Variants in PTPRM observed in about 807,000 individuals in gnomAD.
PTPRM encodes the protein protein tyrosine phosphatase receptor type M, also known as receptor-type tyrosine-protein phosphatase mu.
PTPRM carries 47 observed loss-of-function variants against 186.7 expected under a neutral mutation model. The observed-to-expected ratio is 0.25, with a 90% CI of 0.20 to 0.32. PTPRM has a LOEUF of 0.32. PTPRM is among the 10% of genes least tolerant of loss of function. The probability of loss-of-function intolerance (pLI) is 1.00; values close to 1 mark genes in which losing one functional copy is unlikely to be tolerated. For missense variants in PTPRM, 1,494 were observed against 1,865.0 expected (o/e 0.80, Z 3.66); for synonymous variants, 668 against 674.9 (o/e 0.99, Z 0.16).
chr18:8,289,529 T>C (rs1401093692), intron 19 of PTPRM, among the ~76,000 whole-genome samples: 6 of 97,300 alleles, frequency 6.2e-5, no homozygotes, highest in Non-Finnish European at 1.2e-4. Context: ...TATATACATA[T>C]ATATACACAT....
chr18:8,312,942 G>C (rs73396058), intron 20 of PTPRM, among the ~76,000 whole-genome samples: 7 of 152,272 alleles, frequency 4.6e-5, no homozygotes, highest in African/African-American at 1.7e-4. Flanking sequence ...AATTGACACC[G>C]ATTTCCTTCT....
chr18:7,750,287 C>T (rs2041149928), intron 1 of PTPRM, among the ~76,000 whole-genome samples: 1 of 152,164 alleles, frequency 6.6e-6, no homozygotes, highest in Admixed American at 6.5e-5. Flanking sequence ...AAAAAAAGAA[C>T]ACTCAAGTGA....
At chr18:7,628,455 A>G (rs1169601823) in intron 1 of PTPRM, among the ~76,000 whole-genome samples, 1 of 152,240 alleles carries the variant, frequency 6.6e-6, no homozygotes, top group African/African-American at 2.4e-5. Context: ...TGCAGCTATC[A>G]TACAAAAACG....
chr18:8,083,361 A>G (rs1000226667), intron 9 of PTPRM, among the ~76,000 whole-genome samples: 3 of 152,102 alleles, frequency 2.0e-5, no homozygotes, highest in African/African-American at 7.2e-5. Flanking sequence ...CTTTCTGTTC[A>G]TATACTGTGC....
chr18:7,825,148 G>A (rs1460369615), intron 2 of PTPRM, among the ~76,000 whole-genome samples: 1 of 152,166 alleles, frequency 6.6e-6, no homozygotes, highest in Non-Finnish European at 1.5e-5. Context: ...CGGGAGCCAG[G>A]AGGCTGAACT....
intron 11 of PTPRM, among the ~76,000 whole-genome samples, chr18:8,105,860 T>A (rs1056616399): frequency 6.6e-6 from 1 of 152,210 alleles, no homozygotes; most frequent in African/African-American, 2.4e-5. Context: ...TTAAAATGGA[T>A]ATCCAGTGAA....
intron 1 of PTPRM, among the ~76,000 whole-genome samples, chr18:7,693,222 G>T (rs910337013): frequency 6.6e-6 from 1 of 152,116 alleles, no homozygotes; most frequent in Non-Finnish European, 1.5e-5. Flanking sequence ...AAAGATTAAC[G>T]GGTGACATTG....
intron 1 of PTPRM, among the ~76,000 whole-genome samples, chr18:7,664,846 G>A (rs2144419451): frequency 6.6e-6 from 1 of 152,332 alleles, no homozygotes; most frequent in East Asian, 1.9e-4. Flanking sequence ...CCGTAAGATG[G>A]TATGTGAGAT....
intron 2 of PTPRM, among the ~76,000 whole-genome samples, chr18:7,860,905 T>C (rs1196493036): frequency 6.6e-6 from 1 of 152,234 alleles, no homozygotes; most frequent in East Asian, 1.9e-4. Context: ...AAATGAATTA[T>C]GCTGACTAGT....
At chr18:8,036,735 C>T (rs188395870) in intron 7 of PTPRM, among the ~76,000 whole-genome samples, 18 of 152,300 alleles carry the variant, frequency 1.2e-4, no homozygotes, top group Admixed American at 1.0e-3. Context: ...GCACCATTTC[C>T]TCCCCTGTTA....
intron 14 of PTPRM, among the ~76,000 whole-genome samples, chr18:8,180,610 C>T (rs907593985): frequency 1.1e-4 from 16 of 152,108 alleles, no homozygotes; most frequent in Admixed American, 5.9e-4. Context: ...AGTGGCCTGC[C>T]GGCACTTGGG....
chr18:8,348,905 G>A (rs930407352), intron 23 of PTPRM, among the ~76,000 whole-genome samples: 1 of 152,136 alleles, frequency 6.6e-6, no homozygotes, highest in African/African-American at 2.4e-5. Context: ...AAAATGTTTT[G>A]GAGCTGAGAG....
intron 15 of PTPRM, among the ~76,000 whole-genome samples, chr18:8,247,205 G>A (rs183810072): frequency 4.6e-5 from 7 of 152,186 alleles, no homozygotes; most frequent in East Asian, 1.9e-4. Context: ...CATTTTTAAT[G>A]AAATCAGATA....
At chr18:8,372,835 AT>A (rs1423143901) in intron 24 of PTPRM, among the ~76,000 whole-genome samples, 1 of 152,210 alleles carries the variant, frequency 6.6e-6, no homozygotes, top group Non-Finnish European at 1.5e-5. Flanking sequence ...TTAAAAAAAA[AT>A]CCAAAAGCCA....
intron 31 of PTPRM, among the ~76,000 whole-genome samples, chr18:8,393,572 T>G (rs1568900325): frequency 6.6e-6 from 1 of 152,178 alleles, no homozygotes; most frequent in South Asian, 2.1e-4. Context: ...CTACAGTCTG[T>G]GGTTTAGTTA....
intron 19 of PTPRM, among the ~76,000 whole-genome samples, chr18:8,282,425 G>A (rs2094913350): frequency 6.6e-6 from 1 of 152,228 alleles, no homozygotes; most frequent in South Asian, 2.1e-4. Context: ...CACTTTGGAA[G>A]GCTGAGGTGG....
chr18:8,072,693 A>G (rs965843113), intron 8 of PTPRM, among the ~76,000 whole-genome samples: 1 of 152,088 alleles, frequency 6.6e-6, no homozygotes, highest in African/African-American at 2.4e-5. Flanking sequence ...ATTGAAATAC[A>G]GTTTTTTTCA....
intron 1 of PTPRM, among the ~76,000 whole-genome samples, chr18:7,718,379 A>T (rs1190102860): frequency 6.6e-6 from 1 of 152,188 alleles, no homozygotes; most frequent in African/African-American, 2.4e-5. Flanking sequence ...ATGAAAGTGG[A>T]TCCTCATCTT....
intron 14 of PTPRM, among the ~76,000 whole-genome samples, chr18:8,190,094 C>A (rs759095): frequency 0.53 from 80,470 of 151,810 alleles, 22,527 homozygotes; most frequent in East Asian, 0.84. Flanking sequence ...TGAAACTGCT[C>A]AATCAAGCTA....
Sources: gnomAD v4.1 joint callset for allele counts (sites outside exome capture counted in the v4.1 genomes callset) on GRCh38, gnomAD v4.1.1 for gene constraint, MANE v1.5 for transcripts, NCBI Gene and HGNC (gene_info 2026-07-23, HGNC 2026-07-21) for gene names.